The following STK32B variants were observed in gnomAD, a reference collection of about 807,000 sequenced individuals.
STK32B encodes the protein serine/threonine kinase 32B.
STK32B carries 43 observed loss-of-function variants against 52.6 expected under a neutral mutation model. That is an observed-to-expected ratio of 0.82 (90% confidence interval 0.64 to 1.05). The LOEUF is 1.05. Among genes scored for constraint, STK32B ranks in the 50% least tolerant of loss-of-function variants. STK32B has a pLI of 0.00. For synonymous variants in STK32B, 238 were observed against 204.3 expected, an observed-to-expected ratio of 1.17 and a Z score of -1.41; for missense variants, 621 against 534.6, an observed-to-expected ratio of 1.16 and a Z score of -1.59.
chr4:5,125,802 C>G (rs1373707912), intron 1 of STK32B, among the ~76,000 whole-genome samples: 4 of 152,210 alleles, frequency 2.6e-5, no homozygotes, highest in African/African-American at 9.7e-5. Flanking sequence ...GCTTCAAACC[C>G]AGTGACTTCA....
chr4:5,087,480 C>T (rs1423891611), intron 1 of STK32B, among the ~76,000 whole-genome samples: 1 of 151,834 alleles, frequency 6.6e-6, no homozygotes, highest in Non-Finnish European at 1.5e-5. Flanking sequence ...ATGGATTAAA[C>T]TCTCCAATTA....
chr4:5,387,222 G>A (rs1472002137), intron 4 of STK32B, among the ~76,000 whole-genome samples: 3 of 152,200 alleles, frequency 2.0e-5, no homozygotes, highest in Admixed American at 6.5e-5. Context: ...GGAAGCCTGG[G>A]CCTCTCTGGT....
chr4:5,318,218 G>T (rs1201576408), intron 3 of STK32B, among the ~76,000 whole-genome samples: 1 of 152,118 alleles, frequency 6.6e-6, no homozygotes, highest in East Asian at 1.9e-4. Context: ...TTCATGTAGG[G>T]ATAAATGTTA....
chr4:5,310,180 A>G (rs1308176925), intron 3 of STK32B, among the ~76,000 whole-genome samples: 5 of 152,172 alleles, frequency 3.3e-5, no homozygotes, highest in African/African-American at 1.2e-4. Context: ...ATCAAAAAAG[A>G]GAAATAAGTT....
chr4:5,138,852 T>A (rs1716234243), intron 1 of STK32B, among the ~76,000 whole-genome samples: 1 of 152,094 alleles, frequency 6.6e-6, no homozygotes, highest in Non-Finnish European at 1.5e-5. Context: ...GAGTAGCTGC[T>A]CTCACGTGTC....
intron 3 of STK32B, among the ~76,000 whole-genome samples, chr4:5,174,866 A>G (rs1719706643): frequency 6.6e-6 from 1 of 152,072 alleles, no homozygotes; most frequent in Non-Finnish European, 1.5e-5. Flanking sequence ...TAGATTGGGG[A>G]AGTTCTCCTG....
chr4:5,093,713 GA>G lies in STK32B; in HGVS notation c.52+41806del, dbSNP rs36034828. ...TGTACCCTAAAACTTAAAGTATAAT[GA>G]AAAAAAATGCCATGTGATGCTAATA... On this transcript the variant is annotated intron_variant, in intron 1 of 11. Transcript: ENST00000282908. 8.6e-4 allele frequency among the ~76,000 whole-genome samples: 130 copies of G among 151,988 alleles called. 1 individual carries two copies. Among genetic ancestry groups the G allele is most frequent in the African/African-American group, 2.8e-3 (115 of 41,458 alleles).
intron 4 of STK32B, among the ~76,000 whole-genome samples, chr4:5,343,277 C>T (rs574849421): frequency 1.3e-5 from 2 of 151,920 alleles, no homozygotes; most frequent in Admixed American, 6.6e-5. Flanking sequence ...AAGGACATGA[C>T]CTCATCATTT....
chr4:5,214,031 T>C (rs1383614481), intron 3 of STK32B, among the ~76,000 whole-genome samples: 3 of 152,210 alleles, frequency 2.0e-5, no homozygotes, highest in Non-Finnish European at 4.4e-5. Context: ...TATGAGGTTC[T>C]GATTTTTGTA....
intron 3 of STK32B, among the ~76,000 whole-genome samples, chr4:5,265,788 A>G (rs1727020613): frequency 6.6e-6 from 1 of 151,942 alleles, no homozygotes; most frequent in Non-Finnish European, 1.5e-5. Context: ...TAAACTTTAC[A>G]TTTTTTATCC....
chr4:5,128,046 A>T (rs568463641), intron 1 of STK32B, among the ~76,000 whole-genome samples: 150 of 152,274 alleles, frequency 9.9e-4, no homozygotes, highest in African/African-American at 2.9e-3. Flanking sequence ...TCTTTCCTTT[A>T]TAAATTACCC....
intron 6 of STK32B, among the ~76,000 whole-genome samples, chr4:5,439,004 G>A (rs947205542): frequency 6.6e-6 from 1 of 151,534 alleles, no homozygotes; most frequent in Non-Finnish European, 1.5e-5. Flanking sequence ...GTCTATCATT[G>A]TTGGACATTT....
intron 1 of STK32B, among the ~76,000 whole-genome samples, chr4:5,080,727 A>G (rs1712366643): frequency 6.6e-6 from 1 of 152,202 alleles, no homozygotes; most frequent in Non-Finnish European, 1.5e-5. Flanking sequence ...ACATTGTGAA[A>G]TGATTATCAT....
Position 5,380,700 on chromosome 4 carries a change from A to C in STK32B, c.435-17507A>C, listed in dbSNP as rs556915846. ...TAATGCCCGGTACTTGCCATCGTGAAATCCTTAAAGCTTTGAACAAAGGGC... is the reference window on the plus strand; with the variant it reads ...TAATGCCCGGTACTTGCCATCGTGACATCCTTAAAGCTTTGAACAAAGGGC... On this transcript the variant is annotated intron_variant, in intron 4 of 11. Transcript: ENST00000282908. The surrounding 1 kb of genome is among the most constrained non-coding windows in gnomAD (Gnocchi z 4.3). Among the ~76,000 whole-genome samples the C allele has an allele frequency of 2.0e-4, 30 of 152,306 alleles. 2 individuals are homozygous for C. In the South Asian group the frequency reaches 6.2e-3, roughly 32 times the overall value.
At chr4:5,475,661 G>A (rs1577566211) in intron 11 of STK32B, among the ~76,000 whole-genome samples, 1 of 149,854 alleles carries the variant, frequency 6.7e-6, no homozygotes, top group African/African-American at 2.5e-5. Flanking sequence ...TCACGCCACT[G>A]CACTCCAGCC....
chr4:5,120,459 C>G (rs962146404), intron 1 of STK32B, among the ~76,000 whole-genome samples: 1 of 152,076 alleles, frequency 6.6e-6, no homozygotes, highest in Non-Finnish European at 1.5e-5. Context: ...ATAATTTTTC[C>G]ATATTTAGTT....
chr4:5,112,167 G>A (rs1431431641), intron 1 of STK32B, among the ~76,000 whole-genome samples: 3 of 152,164 alleles, frequency 2.0e-5, no homozygotes, highest in Non-Finnish European at 4.4e-5. Flanking sequence ...GCAAAGAGAA[G>A]CAGGTGCTTG....
chr4:5,115,363 G>A lies in STK32B; in HGVS notation c.53-24542G>A, dbSNP rs115211720. Among the ~76,000 whole-genome samples, 750 of 152,278 alleles carry A rather than the reference G, an allele frequency of 4.9e-3. 9 individuals carry two copies. The highest frequency in any genetic ancestry group is 0.017 in the African/African-American group (717 of 41,566). On this transcript the variant is annotated intron_variant, in intron 1 of 11. Transcript: ENST00000282908. ...TGAAAAAAAAGTCAGAGTTTGTGGG[G>A]TAGACACACATATGTGAGCTTGAAA...
intron 4 of STK32B, among the ~76,000 whole-genome samples, chr4:5,353,950 C>G (rs1462421023): frequency 1.3e-5 from 2 of 152,184 alleles, no homozygotes; most frequent in Admixed American, 1.3e-4. Flanking sequence ...TATTGCCACA[C>G]TATTCACAAT....
Sources: gnomAD v4.1 joint callset for allele counts (sites outside exome capture counted in the v4.1 genomes callset) on GRCh38, gnomAD v4.1.1 for gene constraint, Gnocchi (gnomAD v3.1) non-coding constraint, MANE v1.5 for transcripts, NCBI Gene and HGNC (gene_info 2026-07-23, HGNC 2026-07-21) for gene names.